The following KLHL13 variants were observed in gnomAD, a reference collection of about 807,000 sequenced individuals.
The protein encoded by KLHL13 is kelch like family member 13, also known as kelch-like protein 13.
In KLHL13, 10 loss-of-function variants were observed where a neutral mutation model predicts 37.1. That is an observed-to-expected ratio of 0.27 (90% CI 0.17 to 0.46). The LOEUF is 0.46. KLHL13 is among the 20% of genes least tolerant of loss of function. The pLI is 1.00. For missense variants in KLHL13, 360 were observed against 509.3 expected (o/e 0.71, Z 2.82); for synonymous variants, 163 against 181.2 (o/e 0.90, Z 0.81).
upstream of KLHL13, among the ~76,000 whole-genome samples, chrX:117,977,601 A>G (rs1350035450): frequency 8.9e-6 from 1 of 112,077 alleles, no homozygotes; most frequent in Non-Finnish European, 1.9e-5. Flanking sequence ...CAGAGTTTGT[A>G]TGAACAGGCA....
chrX:118,046,720 T>C (rs781253689), intron 1 of KLHL13, among the ~76,000 whole-genome samples: 11 of 111,304 alleles, frequency 9.9e-5, no homozygotes, highest in South Asian at 3.8e-4. Context: ...AGAAAAAGAA[T>C]ATATTCCCCA....
At chrX:117,903,740 T>A (rs1355281257) in intron 5 of KLHL13, among the ~76,000 whole-genome samples, 2 of 110,871 alleles carry the variant, frequency 1.8e-5, no homozygotes, top group Non-Finnish European at 3.8e-5. Flanking sequence ...AAACCACACA[T>A]CCTATCAGAA....
chrX:117,902,491 T>C (rs1930161620), intron 5 of KLHL13, among the ~76,000 whole-genome samples: 1 of 111,916 alleles, frequency 8.9e-6, no homozygotes, highest in South Asian at 3.7e-4. Flanking sequence ...ATTTATACTT[T>C]AAAGCTAATA....
intron 2 of KLHL13, among the ~76,000 whole-genome samples, chrX:117,925,804 T>TC (rs1024345758): frequency 2.7e-5 from 3 of 111,890 alleles, no homozygotes; most frequent in African/African-American, 9.8e-5. Flanking sequence ...AAATTTTTTT[T>TC]CACCTGGAAT....
At chrX:117,982,934 A>G (rs1380204704) in intron 1 of KLHL13, among the ~76,000 whole-genome samples, 2 of 112,062 alleles carry the variant, frequency 1.8e-5, no homozygotes, top group Non-Finnish European at 3.8e-5. Context: ...TAGGTCTGGG[A>G]GAGTCTGAAA....
exon 1 of KLHL13, chrX:117,973,433 A>G (rs761130095): frequency 1.3e-4 from 121 of 964,424 alleles, no homozygotes; most frequent in Non-Finnish European, 9.6e-5. Flanking sequence ...TAAATTCAGC[A>G]GCCTGCTTTC....
chrX:117,898,409 A>T (rs1929868108), exon 7 of KLHL13: 1 of 112,767 alleles, frequency 8.9e-6, no homozygotes, highest in Non-Finnish European at 1.9e-5. Context: ...CTTTATGAAA[A>T]GAGGGAGGTA....
chrX:118,003,304 G>T (rs111263659), intron 1 of KLHL13, among the ~76,000 whole-genome samples: 1,780 of 112,031 alleles, frequency 0.016, 15 homozygotes, highest in Non-Finnish European at 0.025. Flanking sequence ...AGCACTTGAA[G>T]TCAGGAGTTC....
In KLHL13 at chrX:117,921,607, A is replaced by C. The variant is rs1158626015; in HGVS notation, c.241-1237T>G. Among the ~76,000 whole-genome samples, 42 of 112,109 alleles carry C rather than the reference A, an allele frequency of 3.7e-4. No homozygotes were observed. The Admixed American group carries it at 4.0e-3, about 11-fold the overall frequency. ...ATATAATACAGTAAGAACCAACAGC[A>C]TTGATTACTCTGTCCCCTTCATATT... On this transcript the variant is annotated intron_variant, in intron 2 of 6. Coordinates refer to ENST00000262820, the Ensembl canonical transcript of KLHL13.
intron 1 of KLHL13, among the ~76,000 whole-genome samples, chrX:118,027,322 T>C (rs1431052505): frequency 1.8e-5 from 2 of 110,920 alleles, no homozygotes; most frequent in Admixed American, 1.9e-4. Context: ...ATTTGGCTCC[T>C]TCTGACTTCT....
intron 1 of KLHL13, among the ~76,000 whole-genome samples, chrX:118,077,973 GGATATTATGT>G (rs1247378664): frequency 8.9e-6 from 1 of 112,038 alleles, no homozygotes; most frequent in East Asian, 2.8e-4. Context: ...TAGAAACAGT[GGATATTATGT>G]GAATGTCATA....
chrX:118,052,506 A>C (rs1350248152), intron 1 of KLHL13, among the ~76,000 whole-genome samples: 1 of 97,189 alleles, frequency 1.0e-5, no homozygotes, highest in Non-Finnish European at 2.0e-5. Context: ...TGGGCGACAG[A>C]GCAAGACTCC....
intron 1 of KLHL13, among the ~76,000 whole-genome samples, chrX:118,044,389 T>A (rs1602679449): frequency 1.3e-5 from 1 of 75,038 alleles, no homozygotes; most frequent in African/African-American, 5.2e-5. Context: ...ATCCAAAAAT[T>A]AATAAGAACC....
intron 2 of KLHL13, among the ~76,000 whole-genome samples, chrX:117,922,396 C>CA (rs1269500784): frequency 1.8e-5 from 2 of 111,652 alleles, no homozygotes; most frequent in African/African-American, 6.5e-5. Flanking sequence ...GAGAGACTAG[C>CA]ATCTTTGAAT....
At chrX:117,936,098 A>G (rs945133175) in intron 2 of KLHL13, among the ~76,000 whole-genome samples, 1 of 111,899 alleles carries the variant, frequency 8.9e-6, no homozygotes, top group Non-Finnish European at 1.9e-5. Context: ...AAAGATGCTG[A>G]CAACCTGGAA....
At chrX:117,941,576 T>C (rs1933035216) in intron 2 of KLHL13, among the ~76,000 whole-genome samples, 1 of 111,702 alleles carries the variant, frequency 9.0e-6, no homozygotes, top group African/African-American at 3.3e-5. Context: ...AGGGTGTATG[T>C]GTCTAGGAAT....
At chrX:118,084,543 T>C (rs1268559655) in intron 1 of KLHL13, among the ~76,000 whole-genome samples, 1 of 112,120 alleles carries the variant, frequency 8.9e-6, no homozygotes, top group African/African-American at 3.2e-5. Flanking sequence ...GATACATTTA[T>C]AAATGCACAT....
At chrX:117,991,137 T>TAAAAAAAAAAAAAAAAAAAAAAAAAAAA (rs750755409) in intron 1 of KLHL13, among the ~76,000 whole-genome samples, 5 of 83,871 alleles carry the variant, frequency 6.0e-5, no homozygotes, top group African/African-American at 3.8e-4. Flanking sequence ...CATTAAAAAG[T>TAAAAAAAAAAAAAAAAAAAAAAAAAAAA]AAAAAAAAAA....
chrX:117,973,515 C>A (rs2053557694), exon 1 of KLHL13: 16 of 904,496 alleles, frequency 1.8e-5, no homozygotes, highest in Non-Finnish European at 2.2e-5. Flanking sequence ...AAATTCCAGT[C>A]CCTCTGCTTT....
Sources: gnomAD v4.1 joint callset for allele counts (sites outside exome capture counted in the v4.1 genomes callset) on GRCh38, gnomAD v4.1.1 for gene constraint, MANE v1.5 for transcripts, NCBI Gene and HGNC (gene_info 2026-07-23, HGNC 2026-07-21) for gene names.